The following PPIE variants were observed in gnomAD, a reference collection of about 807,000 sequenced individuals.
The protein encoded by PPIE is peptidylprolyl isomerase E.
In PPIE, 20 loss-of-function variants were observed where a neutral mutation model predicts 38.4. The ratio of observed to expected loss-of-function variants is 0.52; its 90% CI spans 0.37 to 0.76. The LOEUF is 0.76. Among genes scored for constraint, PPIE ranks in the 30% least tolerant of loss-of-function variants. The probability of loss-of-function intolerance (pLI) is 0.00; values close to 1 mark genes in which losing one functional copy is unlikely to be tolerated. For synonymous variants in PPIE, 142 were observed against 135.7 expected, an observed-to-expected ratio of 1.05 and a Z score of -0.32; for missense variants, 322 against 385.8, an observed-to-expected ratio of 0.83 and a Z score of 1.39.
At chr1:39,741,865 T>G in intron 3 of PPIE, 30 bp from the exon 4 acceptor site, 4 of 1,614,166 alleles carry the variant, frequency 2.5e-6, no homozygotes, top group Non-Finnish European at 3.4e-6. Flanking sequence ...GCTGCAAGCC[T>G]AAACTTGTAC....
Position 39,745,503 on chromosome 1 carries a change from G to GC in PPIE, c.508+6dup. The stretch of plus-strand genomic sequence containing the variant: ...ATGTCGTGCCCATGACAGCAGGTGA[G>GC]CAGGACGCTGTGGTCAGAACGGCGG... On this transcript the variant is annotated splice_donor_region_variant and intron_variant, in intron 7 of 9. Transcript: ENST00000324379. 6.2e-7 allele frequency: 1 copy of GC among 1,614,224 alleles called. No individual in the cohort carries two copies. Among genetic ancestry groups the GC allele is most frequent in the Non-Finnish European group, 8.5e-7 (1 of 1,180,042 alleles).
chr1:39,747,842 G>A (rs1008878720), intron 7 of PPIE: 3 of 152,128 alleles, frequency 2.0e-5, no homozygotes, highest in African/African-American at 7.2e-5. Context: ...TAATGATGTT[G>A]AACATCTTTT....
intron 8 of PPIE, among the ~76,000 whole-genome samples, chr1:39,751,983 G>A (rs1321234210): frequency 6.6e-6 from 1 of 152,156 alleles, no homozygotes; most frequent in Non-Finnish European, 1.5e-5. Flanking sequence ...CACGCCTGTA[G>A]TCTCAGCCGC....
At chr1:39,743,142 G>T in intron 4 of PPIE, 74 bp from the exon 5 acceptor site, 1 of 1,299,988 alleles carries the variant, frequency 7.7e-7, no homozygotes, top group East Asian at 2.4e-5. Context: ...GTGTGTCTCA[G>T]AAGTATATGG....
chr1:39,748,339 A>C (rs1647341496), intron 7 of PPIE: 3 of 152,288 alleles, frequency 2.0e-5, no homozygotes, highest in Admixed American at 2.0e-4. Context: ...TTCTTCTAAG[A>C]TCCTTTGGTT....
Position 39,753,639 on chromosome 1 carries a change from T to C in PPIE, c.*284T>C. 1 of 1,282,650 alleles carries C rather than the reference T, an allele frequency of 7.8e-7. No individual in the cohort carries two copies. Among genetic ancestry groups the C allele is most frequent in the Non-Finnish European group, 9.9e-7 (1 of 1,014,896 alleles). The allele number at this position is 1,282,650 out of a possible 1,614,324, so 79.5% of individuals were successfully genotyped here. On this transcript the variant is annotated 3_prime_UTR_variant, in exon 10 of 10. Transcript: ENST00000324379. ...TTCTCAGCATTTGCTGCTGGGCCTC[T>C]CCTGGGACTACCAGTGTGGCTCTTA...
At chr1:39,741,433 C>G in intron 3 of PPIE, 24 bp downstream of exon 3, 1 of 1,611,664 alleles carries the variant, frequency 6.2e-7, no homozygotes, top group Non-Finnish European at 8.5e-7. Flanking sequence ...TTACTAGTGT[C>G]TAGTCCTTGG....
chr1:39,760,380 G>A, downstream of PPIE: 2 of 1,610,992 alleles, frequency 1.2e-6, no homozygotes, highest in South Asian at 2.2e-5. Flanking sequence ...GCCCGATCCA[G>A]ATGAGAAGGG....
In PPIE at chr1:39,743,260, CA is replaced by C; in HGVS notation, c.249del (p.Lys83AsnfsTer3). ...FGRTIRVNLA[K>X]PMRIKEGSSR... ...GACGTACAATTCGTGTCAATTTGGC[CA>C]AACCAATGAGAATTAAGGAAGGCTC... On this transcript the variant is annotated frameshift_variant, in exon 5 of 10. Transcript: ENST00000324379. LOFTEE classifies it high-confidence loss of function. 1.2e-6 allele frequency: 2 copies of C among 1,614,128 alleles called. No homozygotes were observed. The highest frequency in any genetic ancestry group is 1.7e-6 in the Non-Finnish European group (2 of 1,180,006).
rs1164072622 is a variant in PPIE, at chr1:39,741,419, T to C, written c.174+10T>C. The C allele has an allele frequency of 6.2e-7, 1 of 1,613,620 alleles. No homozygotes were observed. Among genetic ancestry groups the C allele is most frequent in the Admixed American group, 1.7e-5 (1 of 60,028 alleles). On this transcript the variant is annotated intron_variant, in intron 3 of 9. Coordinates refer to ENST00000324379, the MANE Select transcript of PPIE (RefSeq NM_006112.4). ...ATTTGAGTTGGCAGAGGTGAGAGTCTGTGTTACTAGTGTCTAGTCCTTGGT... is the reference window on the plus strand; with the variant it reads ...ATTTGAGTTGGCAGAGGTGAGAGTCCGTGTTACTAGTGTCTAGTCCTTGGT...
intron 7 of PPIE, chr1:39,746,655 T>TA (rs1237679310): frequency 1.3e-5 from 2 of 152,224 alleles, no homozygotes; most frequent in Non-Finnish European, 2.9e-5. Flanking sequence ...CAGCCAAACT[T>TA]ACTGTCTCCA....
Position 39,755,421 on chromosome 1 carries a change from T to A in PPIE, c.*2066T>A. 2.0e-6 allele frequency: 2 copies of A among 985,428 alleles called. No individual in the cohort carries two copies. The highest frequency in any genetic ancestry group is 2.4e-6 in the Non-Finnish European group (2 of 829,936). The allele number at this position is 985,428 out of a possible 1,614,324, so 61.0% of individuals were successfully genotyped here. A position where few individuals can be genotyped will look rare whatever the true frequency, so the allele number is the denominator to read the frequency against. ...CTGCTACAGTTGACTGAGTTCAGGC[T>A]CCATGTAGCTGGGATATACTACATG... On this transcript the variant is annotated 3_prime_UTR_variant, in exon 10 of 10. Coordinates refer to ENST00000324379, the MANE Select transcript of PPIE (RefSeq NM_006112.4).
rs1395856958 is a variant in PPIE at position 39,753,438 on chromosome 1, G to A, written c.*83G>A. Reference sequence around the variant, plus strand: ...TGCCAGCCTCAGAGGAGGCAGCACCGAGGGTGCCTGTTTGAAGCAAGCAGC... The same window carrying A: ...TGCCAGCCTCAGAGGAGGCAGCACCAAGGGTGCCTGTTTGAAGCAAGCAGC... On this transcript the variant is annotated 3_prime_UTR_variant, in exon 10 of 10. Transcript: ENST00000324379. The A allele has an allele frequency of 9.6e-6, 15 of 1,567,042 alleles. No individual in the cohort carries two copies. The highest frequency in any genetic ancestry group is 8.4e-5 in the South Asian group (7 of 82,976).
intron 7 of PPIE, chr1:39,747,116 TTG>T (rs1647239541): frequency 6.6e-6 from 1 of 152,252 alleles, no homozygotes; most frequent in African/African-American, 2.4e-5. Context: ...AGGTTCATCC[TTG>T]TACCATGTAT....
intron 5 of PPIE, 86 bp from the exon 6 acceptor site, chr1:39,743,738 C>T: frequency 1.9e-6 from 2 of 1,052,502 alleles, no homozygotes; most frequent in Non-Finnish European, 2.9e-6. Context: ...GGCCACATAG[C>T]ATCTTCCACT....
In PPIE at chr1:39,740,169, A is replaced by C; in HGVS notation, c.36A>C (p.Gly12=). ...ATTKRVLYVG[G]LAEEVDDKVL... ...AGGCCCTTGGCTTATTTGCAGGTGGACTGGCAGAGGAAGTGGACGACAAAG... is the reference window on the plus strand; with the variant it reads ...AGGCCCTTGGCTTATTTGCAGGTGGCCTGGCAGAGGAAGTGGACGACAAAG... Residue 12 remains glycine (G), a synonymous_variant, in exon 2 of 10, where the codon GGA becomes GGC. Transcript: ENST00000324379. The C allele has an allele frequency of 6.2e-7, 1 of 1,613,968 alleles. No homozygotes were observed. The highest frequency in any genetic ancestry group is 8.5e-7 in the Non-Finnish European group (1 of 1,179,840).
intron 8 of PPIE, among the ~76,000 whole-genome samples, chr1:39,750,004 G>A (rs1264969785): frequency 6.6e-6 from 1 of 152,026 alleles, no homozygotes; most frequent in Non-Finnish European, 1.5e-5. Context: ...GTGGTGGCGC[G>A]TGCCTGTAAT....
intron 5 of PPIE, among the ~76,000 whole-genome samples, 153 bp downstream of exon 5, chr1:39,743,450 C>T (rs1197948976): frequency 2.0e-5 from 3 of 152,166 alleles, no homozygotes; most frequent in Non-Finnish European, 4.4e-5. Context: ...GCATGCACCA[C>T]CTTTTTAGAG....
At position 39,755,917 on chromosome 1, in the gene PPIE, T is replaced by C. The variant is rs60293106; in HGVS notation, c.*2562T>C. Reference sequence around the variant, plus strand: ...GGATTAGAAGCCCAGCCTGTCTCTCTTCAGTAGTAATGGAGTCCTGGGAGG... The same window carrying C: ...GGATTAGAAGCCCAGCCTGTCTCTCCTCAGTAGTAATGGAGTCCTGGGAGG... On this transcript the variant is annotated 3_prime_UTR_variant, in exon 10 of 10. Transcript: ENST00000324379. The C allele has an allele frequency of 9.5e-5, 94 of 985,438 alleles. No individual in the cohort carries two copies. In the African/African-American group the frequency reaches 1.6e-3, roughly 16 times the overall value. 61.0% of individuals were successfully genotyped at this position (985,438 alleles called of 1,614,324 possible). A position where few individuals can be genotyped will look rare whatever the true frequency, so the allele number is the denominator to read the frequency against.
Sources: gnomAD v4.1 joint callset for allele counts (sites outside exome capture counted in the v4.1 genomes callset) on GRCh38, gnomAD v4.1.1 for gene constraint, MANE v1.5 for transcripts, NCBI Gene and HGNC (gene_info 2026-07-23, HGNC 2026-07-21) for gene names.